The following PLXNA4 variants were observed in gnomAD, a reference collection of about 807,000 sequenced individuals.
PLXNA4 encodes the protein plexin-A4.
A neutral mutation model predicts 191.8 loss-of-function variants in PLXNA4; 44 were observed. The observed-to-expected ratio is 0.23, with a 90% CI of 0.18 to 0.29. PLXNA4 has a LOEUF of 0.29. PLXNA4 is among the 10% of genes least tolerant of loss of function. The pLI is 1.00. For synonymous variants in PLXNA4, 1,082 were observed against 1,009.5 expected (o/e 1.07, Z -1.36); for missense variants, 1,800 against 2,488.8 (o/e 0.72, Z 5.89).
chr7:132,371,452 C>T (rs1369540390), intron 3 of PLXNA4, among the ~76,000 whole-genome samples: 1 of 152,176 alleles, frequency 6.6e-6, no homozygotes, highest in Non-Finnish European at 1.5e-5. Context: ...GTGAGAGTTT[C>T]CTGCCAATGA....
At chr7:132,443,756 A>G (rs1795788418) in intron 3 of PLXNA4, among the ~76,000 whole-genome samples, 1 of 152,220 alleles carries the variant, frequency 6.6e-6, no homozygotes, top group Non-Finnish European at 1.5e-5. Flanking sequence ...ATTTCCAAAG[A>G]CCAACATGTG....
At chr7:132,645,719 C>T (rs1245084432) in intron 2 of PLXNA4, among the ~76,000 whole-genome samples, 2 of 152,138 alleles carry the variant, frequency 1.3e-5, no homozygotes, top group African/African-American at 2.4e-5. Context: ...CAAGCTGCTG[C>T]CGGTTCCACA....
At chr7:132,211,191 G>C in intron 9 of PLXNA4, 48 bp from the exon 10 acceptor site, 1 of 1,527,906 alleles carries the variant, frequency 6.5e-7, no homozygotes, top group Non-Finnish European at 8.9e-7. Context: ...GAAACCAAAT[G>C]AGCAAGGACC....
intron 2 of PLXNA4, among the ~76,000 whole-genome samples, chr7:132,592,866 T>A (rs1159169471): frequency 6.9e-6 from 1 of 144,220 alleles, no homozygotes. Context: ...GCAAAAAAAA[T>A]TTAAAAAAAA....
chr7:132,163,150 CCT>C (rs1469628258), intron 24 of PLXNA4, among the ~76,000 whole-genome samples: 1 of 152,182 alleles, frequency 6.6e-6, no homozygotes, highest in Non-Finnish European at 1.5e-5. Context: ...CCTTCCAAGT[CCT>C]CTCTTTCTCA....
chr7:132,441,409 C>T (rs1475158932), intron 3 of PLXNA4, among the ~76,000 whole-genome samples: 1 of 152,178 alleles, frequency 6.6e-6, no homozygotes, highest in Non-Finnish European at 1.5e-5. Context: ...TGGCAGTGTC[C>T]AGCACAGTGC....
chr7:132,564,146 T>TG (rs1563177574), intron 1 of PLXNA4, among the ~76,000 whole-genome samples: 5 of 129,214 alleles, frequency 3.9e-5, no homozygotes, highest in Non-Finnish European at 7.9e-5. Flanking sequence ...CTTCTCCTCC[T>TG]CCTCCTTCTC....
chr7:132,513,665 G>C (rs1798826788), intron 1 of PLXNA4, among the ~76,000 whole-genome samples: 1 of 151,802 alleles, frequency 6.6e-6, no homozygotes, highest in Non-Finnish European at 1.5e-5. Flanking sequence ...TTTAGTTTTT[G>C]TTTTGTTTTG....
At position 132,146,637 on chromosome 7, in the gene PLXNA4, G is replaced by T. The variant is rs1584761839; in HGVS notation, c.4928C>A (p.Pro1643His). ...SLRSRTPMIT[P>H]DLESGVKMWH... is the part of the protein sequence containing the mutation. ...CATCTTGACTCCACTCTCCAGGTCA[G>T]GAGTGATCATAGGTGTCCGTGAGCG... Residue 1643 changes from proline to histidine, a missense_variant, in exon 28 of 32, where the codon CCT (proline) becomes CAT (histidine). By Grantham distance (77) the Pro-to-His change is moderately conservative (BLOSUM62 -2). This residue lies in a region of PLXNA4 where 214 missense variants were observed against 298.2 expected (regional missense o/e 0.72). Transcript: ENST00000321063. The T allele has an allele frequency of 1.2e-6, 2 of 1,614,234 alleles. No homozygotes were observed. Among genetic ancestry groups the T allele is most frequent in the East Asian group, 4.5e-5 (2 of 44,870 alleles).
In PLXNA4 at chr7:132,521,738, G is replaced by A. The variant is rs151213241; in HGVS notation, c.-86-12959C>T. On this transcript the variant is annotated intron_variant, in intron 1 of 31. Coordinates refer to ENST00000321063, the MANE Select transcript of PLXNA4 (RefSeq NM_020911.2). ...ACCGGGCACAGAAGGGTGAAGCACC[G>A]GGGACTCCATCCTCTCAGGTGCCCA... Among the ~76,000 whole-genome samples, 1,367 of 152,172 alleles carry A rather than the reference G, an allele frequency of 9.0e-3. 29 individuals are homozygous for A. Among genetic ancestry groups the A allele is most frequent in the Admixed American group, 0.024 (361 of 15,272 alleles).
intron 3 of PLXNA4, among the ~76,000 whole-genome samples, chr7:132,440,300 C>T (rs1165164256): frequency 1.3e-5 from 2 of 152,172 alleles, no homozygotes; most frequent in East Asian, 3.9e-4. Context: ...TCAAATCACA[C>T]CCCATCAACA....
chr7:132,612,684 A>AAT (rs1228003895), intron 2 of PLXNA4, among the ~76,000 whole-genome samples: 27 of 150,476 alleles, frequency 1.8e-4, no homozygotes, highest in African/African-American at 6.4e-4. Flanking sequence ...AAAAAAAAAA[A>AAT]GTCCTCATCC....
intron 3 of PLXNA4, among the ~76,000 whole-genome samples, chr7:132,456,577 G>A (rs1195975788): frequency 6.6e-6 from 1 of 152,180 alleles, no homozygotes; most frequent in Non-Finnish European, 1.5e-5. Flanking sequence ...TTATTATGGA[G>A]CTCTAACCAT....
At chr7:132,292,228 G>C (rs972959519) in intron 4 of PLXNA4, among the ~76,000 whole-genome samples, 16 of 152,174 alleles carry the variant, frequency 1.1e-4, no homozygotes, top group Non-Finnish European at 2.1e-4. Flanking sequence ...ACTGTCAAAT[G>C]CCTCTTTCCT....
intron 29 of PLXNA4, 79 bp downstream of exon 29, chr7:132,145,040 C>T (rs1330095558): frequency 1.9e-6 from 3 of 1,602,124 alleles, no homozygotes; most frequent in South Asian, 1.1e-5. Context: ...CTCCTGGAGG[C>T]CCAGAGTCCC....
chr7:132,191,310 T>G (rs922849841), intron 14 of PLXNA4, among the ~76,000 whole-genome samples: 1 of 152,098 alleles, frequency 6.6e-6, no homozygotes, highest in Non-Finnish European at 1.5e-5. Flanking sequence ...ATGTCAGGAA[T>G]GAAGGGATGC....
At chr7:132,214,149 C>T (rs1489577146) in intron 9 of PLXNA4, among the ~76,000 whole-genome samples, 2 of 152,148 alleles carry the variant, frequency 1.3e-5, no homozygotes, top group East Asian at 3.9e-4. Context: ...GCTGGTCAGT[C>T]AGCAGGGGTC....
chr7:132,355,869 G>C (rs145603964), intron 3 of PLXNA4, among the ~76,000 whole-genome samples: 2 of 152,068 alleles, frequency 1.3e-5, no homozygotes, highest in African/African-American at 4.8e-5. Context: ...TAAAGTGTAC[G>C]AGGAGGTAGG....
chr7:132,265,281 C>G (rs1799806282), intron 4 of PLXNA4, among the ~76,000 whole-genome samples: 1 of 152,178 alleles, frequency 6.6e-6, no homozygotes, highest in African/African-American at 2.4e-5. Flanking sequence ...TAGATCAAAA[C>G]AGGTTGTTTC....
Sources: gnomAD v4.1 joint callset for allele counts (sites outside exome capture counted in the v4.1 genomes callset) on GRCh38, gnomAD v4.1.1 for gene constraint, gnomAD v4.1.1 regional missense constraint, MANE v1.5 for transcripts, NCBI Gene and HGNC (gene_info 2026-07-23, HGNC 2026-07-21) for gene names.